The following ZNF728 variants were observed in gnomAD, a reference collection of about 807,000 sequenced individuals.
ZNF728 encodes zinc finger protein 728.
Under a neutral mutation model 12.5 loss-of-function variants are expected in ZNF728, and 12 were observed. The observed-to-expected ratio is 0.96, with a 90% confidence interval of 0.61 to 1.55. The LOEUF (loss-of-function observed/expected upper bound fraction) is 1.55. ZNF728 is among the 40% of genes most tolerant of loss of function. The pLI is 0.00. For missense variants in ZNF728, 692 were observed against 719.2 expected (o/e 0.96, Z 0.43); for synonymous variants, 205 against 240.7 (o/e 0.85, Z 1.37).
At chr19:22,977,907 A>C (rs1276216466) in intron 3 of ZNF728, among the ~76,000 whole-genome samples, 2 of 152,256 alleles carry the variant, frequency 1.3e-5, no homozygotes, top group East Asian at 3.9e-4. Context: ...TCAGAAAGAA[A>C]CCATTAAAAA....
chr19:22,999,287 T>A (rs1969082111), intron 1 of ZNF728, among the ~76,000 whole-genome samples: 1 of 152,164 alleles, frequency 6.6e-6, no homozygotes, highest in Non-Finnish European at 1.5e-5. Flanking sequence ...TACATCTAAC[T>A]GGTTTATTTT....
chr19:22,987,269 G>T (rs1184442641), intron 3 of ZNF728, 39 bp downstream of exon 3: 1 of 1,570,726 alleles, frequency 6.4e-7, no homozygotes, highest in South Asian at 1.2e-5. Context: ...CTTGACTTTG[G>T]ACCTCTCATC....
intron 1 of ZNF728, among the ~76,000 whole-genome samples, chr19:22,998,904 C>T (rs948621452): frequency 7.2e-5 from 11 of 152,178 alleles, no homozygotes; most frequent in African/African-American, 2.7e-4. Context: ...ATATTTTCTT[C>T]TTTTTCTCAT....
Position 22,976,433 on chromosome 19 carries a change from G to A in ZNF728, c.904C>T (p.His302Tyr). 6.2e-7 allele frequency: 1 copy of A among 1,612,960 alleles called. No homozygotes were observed. Among genetic ancestry groups the A allele is most frequent in the Non-Finnish European group, 8.5e-7 (1 of 1,179,904 alleles). The stretch of plus-strand genomic sequence containing the variant: ...TTCTCTCCAGCATGAATTGTCTTAT[G>A]TGCAGTAAGGGTTGAGGCCTTACTA... ...AFSKASTLTAHKTIHAGEKPY... is the reference protein window; with the variant it reads ...AFSKASTLTAYKTIHAGEKPY... Residue 302 changes from histidine to tyrosine, a missense_variant, in exon 4 of 4, where the codon CAT (histidine) becomes TAT (tyrosine). This residue lies in a region of ZNF728 where 440 missense variants were observed against 459.6 expected (regional missense o/e 0.96). Coordinates refer to ENST00000594710, the MANE Select transcript of ZNF728 (RefSeq NM_001267716.2).
intron 1 of ZNF728, among the ~76,000 whole-genome samples, chr19:23,002,557 T>C (rs1027346955): frequency 2.9e-4 from 44 of 152,212 alleles, no homozygotes; most frequent in African/African-American, 1.0e-3. Flanking sequence ...CTACAACCCA[T>C]AGCTGGGTGC....
chr19:22,984,550 T>C (rs1420688180), intron 3 of ZNF728, among the ~76,000 whole-genome samples: 2 of 97,780 alleles, frequency 2.0e-5, no homozygotes, highest in African/African-American at 5.1e-5. Flanking sequence ...AGAGCGAGAC[T>C]CCATCTCAAA....
intron 1 of ZNF728, among the ~76,000 whole-genome samples, chr19:22,989,606 C>T (rs1968961718): frequency 6.6e-6 from 1 of 152,090 alleles, no homozygotes; most frequent in African/African-American, 2.4e-5. Flanking sequence ...CTGATGCACC[C>T]AGAAGGATAC....
intron 3 of ZNF728, among the ~76,000 whole-genome samples, chr19:22,980,627 G>T (rs1424427502): frequency 6.6e-6 from 1 of 152,030 alleles, no homozygotes; most frequent in Non-Finnish European, 1.5e-5. Flanking sequence ...CCACATAATT[G>T]GAAGTAAAAC....
chr19:22,975,125 T>A lies in ZNF728; in HGVS notation c.*343A>T, dbSNP rs1968778979. The stretch of plus-strand genomic sequence containing the variant: ...GTTTCAGGTGTTGCCAAAAGCCTTG[T>A]CACATCTTTCAGGTTTGCAGTTTCT... On this transcript the variant is annotated 3_prime_UTR_variant, in exon 4 of 4. Coordinates refer to ENST00000594710, the MANE Select transcript of ZNF728 (RefSeq NM_001267716.2). 6.6e-6 allele frequency among the ~76,000 whole-genome samples: 1 copy of A among 152,202 alleles called. No homozygotes were observed. Among genetic ancestry groups the A allele is most frequent in the Admixed American group, 6.5e-5 (1 of 15,272 alleles).
intron 1 of ZNF728, among the ~76,000 whole-genome samples, chr19:23,000,452 G>A (rs1365927568): frequency 1.3e-5 from 2 of 151,450 alleles, no homozygotes; most frequent in Non-Finnish European, 2.9e-5. Flanking sequence ...AAAGGTGAAT[G>A]AGAATTTTCA....
intron 3 of ZNF728, 63 bp from the exon 4 acceptor site, chr19:22,977,173 A>G: frequency 1.4e-6 from 2 of 1,407,940 alleles, no homozygotes; most frequent in Non-Finnish European, 1.9e-6. Context: ...TCCAAATTTA[A>G]CCTATAAAAT....
intron 1 of ZNF728, among the ~76,000 whole-genome samples, chr19:23,000,615 GCA>G (rs548015169): frequency 2.1e-4 from 32 of 152,148 alleles, no homozygotes; most frequent in African/African-American, 7.7e-4. Flanking sequence ...TGCAATCCCA[GCA>G]CTTTGGGAGG....
At chr19:22,994,624 G>A (rs1322593966) in intron 1 of ZNF728, among the ~76,000 whole-genome samples, 1 of 152,166 alleles carries the variant, frequency 6.6e-6, no homozygotes, top group Non-Finnish European at 1.5e-5. Context: ...GGCCATCCAT[G>A]TATGCTAATT....
chr19:22,994,498 C>A (rs138215987), intron 1 of ZNF728, among the ~76,000 whole-genome samples: 1,578 of 152,262 alleles, frequency 0.01, 29 homozygotes, highest in African/African-American at 0.036. Context: ...GCATTACAGT[C>A]AATTTGCTCA....
chr19:22,983,775 T>A (rs1370560728), intron 3 of ZNF728, among the ~76,000 whole-genome samples: 1 of 152,076 alleles, frequency 6.6e-6, no homozygotes, highest in Admixed American at 6.6e-5. Context: ...CAAACTAGCA[T>A]GTTGTCACTC....
chr19:22,988,611 T>C (rs1421676243), intron 1 of ZNF728, among the ~76,000 whole-genome samples, 160 bp from the exon 2 acceptor site: 2 of 152,224 alleles, frequency 1.3e-5, no homozygotes, highest in Admixed American at 1.3e-4. Flanking sequence ...CAATATTCTC[T>C]AATGTATTCT....
chr19:22,995,096 A>G (rs1159826370), intron 1 of ZNF728: 1 of 152,364 alleles, frequency 6.6e-6, no homozygotes, highest in Non-Finnish European at 1.5e-5. Flanking sequence ...GTGGCATGAA[A>G]AAAATACTGC....
chr19:22,986,596 A>G (rs193215146), intron 3 of ZNF728, among the ~76,000 whole-genome samples: 2 of 152,286 alleles, frequency 1.3e-5, no homozygotes, highest in East Asian at 3.9e-4. Context: ...AAAATGAGAG[A>G]ACACAAATAA....
intron 3 of ZNF728, among the ~76,000 whole-genome samples, chr19:22,981,571 C>T (rs1242121389): frequency 1.3e-5 from 2 of 152,110 alleles, no homozygotes; most frequent in African/African-American, 4.8e-5. Context: ...AGAGACACAA[C>T]AACAACAGAA....
Sources: allele counts gnomAD v4.1 joint callset (sites outside exome capture counted in the v4.1 genomes callset), GRCh38; gene constraint gnomAD v4.1.1; regional missense constraint gnomAD v4.1.1; transcripts MANE v1.5; gene names NCBI Gene and HGNC (gene_info 2026-07-23, HGNC 2026-07-21).